Variants in ZNF512 observed in about 807,000 individuals in gnomAD.
The protein encoded by ZNF512 is zinc finger protein 512.
ZNF512 carries 25 observed loss-of-function variants against 77.5 expected under a neutral mutation model. That is an observed-to-expected ratio of 0.32 (90% confidence interval 0.23 to 0.45). The LOEUF (loss-of-function observed/expected upper bound fraction) is 0.45. ZNF512 is among the 20% of genes least tolerant of loss of function. The pLI is 1.00. For missense variants in ZNF512, 483 were observed against 692.6 expected (o/e 0.70, Z 3.40); for synonymous variants, 246 against 239.9 (o/e 1.03, Z -0.24).
chr2:27,620,854 A>C (rs1186183364), intron 13 of ZNF512, among the ~76,000 whole-genome samples: 3 of 152,178 alleles, frequency 2.0e-5, no homozygotes, highest in Non-Finnish European at 2.9e-5. Context: ...AGTGTGTTAC[A>C]TCTCATGATG....
At chr2:27,615,078 A>G in intron 10 of ZNF512, 90 bp from the exon 11 acceptor site, 1 of 748,692 alleles carries the variant, frequency 1.3e-6, no homozygotes, top group South Asian at 1.8e-5. Flanking sequence ...TTTCAGAATT[A>G]TATAACCTAA....
At chr2:27,615,663 C>G (rs991514577) in intron 11 of ZNF512, among the ~76,000 whole-genome samples, 5 of 152,192 alleles carry the variant, frequency 3.3e-5, no homozygotes, top group African/African-American at 1.2e-4. Context: ...GGTTGCAGAT[C>G]TCTTAAAATC....
At chr2:27,615,967 T>A (rs576789488) in intron 11 of ZNF512, among the ~76,000 whole-genome samples, 113 of 152,128 alleles carry the variant, frequency 7.4e-4, no homozygotes, top group South Asian at 6.2e-4. Flanking sequence ...AAGCAGATTT[T>A]AAAAAAAACT....
At chr2:27,620,121 A>G (rs1371376641) in intron 13 of ZNF512, among the ~76,000 whole-genome samples, 1 of 152,222 alleles carries the variant, frequency 6.6e-6, no homozygotes, top group Non-Finnish European at 1.5e-5. Flanking sequence ...AGTATTTTAA[A>G]AGATGAAATT....
Position 27,598,248 on chromosome 2 carries a change from G to A in ZNF512, c.271G>A (p.Val91Ile), listed in dbSNP as rs201938606. ...AATCAAGCCAGCTGCTACTTCTCATGTCGAAGGTATCAATATCAGTGTCTT... is the reference window on the plus strand; with the variant it reads ...AATCAAGCCAGCTGCTACTTCTCATATCGAAGGTATCAATATCAGTGTCTT... ...RRIKPAATSHVEGSGGVSAKG... is the reference protein window; with the variant it reads ...RRIKPAATSHIEGSGGVSAKG... The change falls in exon 3 of 14, where the codon GTC becomes ATC. Residue 91 changes from valine to isoleucine, a missense_variant. By Grantham distance (29) the Val-to-Ile change is conservative (BLOSUM62 3). Around this residue, in one of 2 missense-constraint regions of ZNF512, gnomAD observed 159 missense variants for 167.5 expected, o/e 0.95. Transcript: ENST00000355467. 1 of 1,611,970 alleles carries A rather than the reference G, an allele frequency of 6.2e-7. No homozygotes were observed. Among genetic ancestry groups the A allele is most frequent in the African/African-American group, 1.3e-5 (1 of 75,034 alleles).
At chr2:27,613,869 ATATGATAGTTTATTACTATCATATT>A (rs1328317313) in intron 10 of ZNF512, among the ~76,000 whole-genome samples, 1 of 152,076 alleles carries the variant, frequency 6.6e-6, no homozygotes, top group Non-Finnish European at 1.5e-5. Flanking sequence ...ACTATTACTA[ATATGATAGTTTATTACTATCATATT>A]TATGATAGTA....
chr2:27,597,218 A>G (rs1277345133), intron 2 of ZNF512, among the ~76,000 whole-genome samples: 2 of 152,176 alleles, frequency 1.3e-5, no homozygotes, highest in African/African-American at 4.8e-5. Context: ...GAATCTGCCA[A>G]TTCAAGTTAA....
intron 10 of ZNF512, among the ~76,000 whole-genome samples, chr2:27,610,568 A>ATATATATATACATAT (rs1553353375): frequency 5.5e-5 from 1 of 18,172 alleles, no homozygotes; most frequent in African/African-American, 1.5e-4. Context: ...ATATATATAT[A>ATATATATATACATAT]TTTTTTTTTT....
In ZNF512 at chr2:27,583,076, G is replaced by C; in HGVS notation, c.-37G>C. ...CGGAAGTGGCGTTGGTCTGGCCGGAGCCCTTGGGTGAAATTGTTAGGCGTG... is the reference window on the plus strand; with the variant it reads ...CGGAAGTGGCGTTGGTCTGGCCGGACCCCTTGGGTGAAATTGTTAGGCGTG... On this transcript the variant is annotated 5_prime_UTR_variant, in exon 1 of 14. Transcript: ENST00000355467. 2 of 1,614,028 alleles carry C rather than the reference G, an allele frequency of 1.2e-6. No homozygotes were observed. Among genetic ancestry groups the C allele is most frequent in the Non-Finnish European group, 1.7e-6 (2 of 1,179,900 alleles).
chr2:27,604,521 C>T (rs1219879934), intron 9 of ZNF512, among the ~76,000 whole-genome samples: 4 of 152,168 alleles, frequency 2.6e-5, no homozygotes, highest in Non-Finnish European at 5.9e-5. Flanking sequence ...TAGCTCACAC[C>T]TGTAATCCCA....
intron 2 of ZNF512, among the ~76,000 whole-genome samples, chr2:27,591,377 CTT>C (rs992506546): frequency 1.3e-5 from 2 of 152,090 alleles, no homozygotes; most frequent in African/African-American, 4.8e-5. Context: ...CAATTACACT[CTT>C]TTAGTTATTT....
At chr2:27,618,553 T>C (rs2148047920) in intron 13 of ZNF512, among the ~76,000 whole-genome samples, 1 of 152,286 alleles carries the variant, frequency 6.6e-6, no homozygotes, top group East Asian at 1.9e-4. Flanking sequence ...AGGGATGAAG[T>C]ATTATGATGT....
rs1411270337 is a variant in ZNF512, at chr2:27,599,987, A to G, written c.391A>G (p.Lys131Glu). The change falls in exon 5 of 14, where the codon AAA becomes GAA. Residue 131 changes from lysine (K) to glutamate (E), a missense_variant. By Grantham distance (56) the Lys-to-Glu change is moderately conservative. Coordinates refer to ENST00000355467, the MANE Select transcript of ZNF512 (RefSeq NM_032434.4). ...HKLYGRKQRP[K>E]TQPNPKSQAR... ...TATGTCAGGGAGGAAGCAACGGCCT[A>G]AAACTCAGCCCAATCCCAAATCCCA... 10 of 1,614,120 alleles carry G rather than the reference A, an allele frequency of 6.2e-6. No individual in the cohort carries two copies. The highest frequency in any genetic ancestry group is 1.7e-5 in the Admixed American group (1 of 60,004).
intron 9 of ZNF512, among the ~76,000 whole-genome samples, chr2:27,607,615 G>A (rs1424496365): frequency 3.3e-5 from 5 of 152,148 alleles, no homozygotes; most frequent in African/African-American, 9.7e-5. Flanking sequence ...TGATCCACCC[G>A]CCTTGGTCTC....
At chr2:27,607,717 G>T in intron 9 of ZNF512, 128 bp from the exon 10 acceptor site, 1 of 840,120 alleles carries the variant, frequency 1.2e-6, no homozygotes. Flanking sequence ...GGTGGAACTT[G>T]ATGCTAGTGG....
chr2:27,598,479 A>G (rs1443923944), intron 3 of ZNF512, among the ~76,000 whole-genome samples: 1 of 152,102 alleles, frequency 6.6e-6, no homozygotes, highest in East Asian at 1.9e-4. Context: ...AATACAAAAA[A>G]TTAGCGGGGC....
At chr2:27,598,643 A>AG (rs1671979661) in intron 3 of ZNF512, among the ~76,000 whole-genome samples, 1 of 152,100 alleles carries the variant, frequency 6.6e-6, no homozygotes. Flanking sequence ...AAAAAAAAAA[A>AG]AGAGTATGAA....
chr2:27,599,147 T>C (rs1672002873), intron 3 of ZNF512, among the ~76,000 whole-genome samples: 1 of 152,164 alleles, frequency 6.6e-6, no homozygotes, highest in Admixed American at 6.6e-5. Context: ...TCACCATGGC[T>C]GGCCCCCCTT....
chr2:27,591,827 T>C (rs1216491352), intron 2 of ZNF512, among the ~76,000 whole-genome samples: 3 of 152,056 alleles, frequency 2.0e-5, no homozygotes, highest in Non-Finnish European at 4.4e-5. Flanking sequence ...ATGTGAGCCA[T>C]TACACTGGTT....
Sources: gnomAD v4.1 joint callset for allele counts (sites outside exome capture counted in the v4.1 genomes callset) on GRCh38, gnomAD v4.1.1 for gene constraint, gnomAD v4.1.1 regional missense constraint, MANE v1.5 for transcripts, NCBI Gene and HGNC (gene_info 2026-07-23, HGNC 2026-07-21) for gene names.